The following BRINP3 variants were observed in gnomAD, a reference collection of about 807,000 sequenced individuals.
BRINP3 encodes BMP/retinoic acid inducible neural specific 3.
BRINP3 carries 19 observed loss-of-function variants against 71.0 expected under a neutral mutation model. That is an observed-to-expected ratio of 0.27 (90% CI 0.19 to 0.39). The LOEUF (loss-of-function observed/expected upper bound fraction) is 0.39, where lower values mean the gene tolerates loss of function less well. BRINP3 is among the 10% of genes least tolerant of loss of function. The pLI, the probability that BRINP3 is intolerant of heterozygous loss-of-function variation, is 1.00. For synonymous variants in BRINP3, 380 were observed against 337.7 expected, an observed-to-expected ratio of 1.13 and a Z score of -1.37; for missense variants, 959 against 940.8, an observed-to-expected ratio of 1.02 and a Z score of -0.25.
At chr1:190,382,697 A>G (rs1474284437) in intron 2 of BRINP3, among the ~76,000 whole-genome samples, 2 of 152,288 alleles carry the variant, frequency 1.3e-5, no homozygotes, top group Admixed American at 6.5e-5. Context: ...AATGAACTTC[A>G]ACTGCTTTCA....
At chr1:190,443,112 T>C (rs1189413131) in intron 2 of BRINP3, among the ~76,000 whole-genome samples, 2 of 151,504 alleles carry the variant, frequency 1.3e-5, no homozygotes, top group African/African-American at 2.4e-5. Flanking sequence ...GGGGTTTCAC[T>C]ATATAGGCCA....
chr1:190,327,614 CAT>C (rs1666700317), intron 2 of BRINP3, among the ~76,000 whole-genome samples: 1 of 151,834 alleles, frequency 6.6e-6, no homozygotes, highest in South Asian at 2.1e-4. Flanking sequence ...GCTATCTAAA[CAT>C]ATACACATCT....
chr1:190,421,237 A>C (rs1300972671), intron 2 of BRINP3, among the ~76,000 whole-genome samples: 1 of 150,960 alleles, frequency 6.6e-6, no homozygotes, highest in Non-Finnish European at 1.5e-5. Context: ...GAAATGTTAC[A>C]ATAACAAGTA....
intron 4 of BRINP3, among the ~76,000 whole-genome samples, chr1:190,241,659 T>C (rs1437054771): frequency 2.6e-5 from 4 of 152,036 alleles, no homozygotes. Context: ...TAAGTATGAA[T>C]TTATTAATGC....
intron 2 of BRINP3, among the ~76,000 whole-genome samples, chr1:190,444,239 C>CAAAAAAAAAAAAA (rs764014934): frequency 1.4e-4 from 8 of 56,320 alleles, no homozygotes; most frequent in East Asian, 1.4e-3. Context: ...AACTCCGTCT[C>CAAAAAAAAAAAAA]AAAAAAAAAA....
At chr1:190,225,277 GA>G (rs1356306493) in intron 6 of BRINP3, among the ~76,000 whole-genome samples, 1 of 151,932 alleles carries the variant, frequency 6.6e-6, no homozygotes, top group Non-Finnish European at 1.5e-5. Flanking sequence ...ATACACAATG[GA>G]ATATTATTCA....
Position 190,379,418 on chromosome 1 carries a change from G to A in BRINP3, c.236+75237C>T, listed in dbSNP as rs138976875. Among the ~76,000 whole-genome samples the A allele has an allele frequency of 1.4e-3, 214 of 152,170 alleles. 1 individual carries two copies. The highest frequency in any genetic ancestry group is 4.9e-3 in the African/African-American group (202 of 41,534). ...TGATCACAAAGTAATTACAGCTTGA[G>A]ATTATTGCTATGGAGGAAGAAAAAA... is the stretch of plus-strand genomic sequence containing the variant. On this transcript the variant is annotated intron_variant, in intron 2 of 7. Transcript: ENST00000367462.
intron 6 of BRINP3, among the ~76,000 whole-genome samples, chr1:190,162,827 T>C (rs1254658951): frequency 1.3e-5 from 2 of 152,142 alleles, no homozygotes; most frequent in Non-Finnish European, 2.9e-5. Flanking sequence ...TTCTAAGAAA[T>C]AGGGTTTTAA....
intron 2 of BRINP3, among the ~76,000 whole-genome samples, chr1:190,332,994 A>C (rs573831829): frequency 1.2e-4 from 18 of 152,024 alleles, no homozygotes; most frequent in African/African-American, 4.1e-4. Flanking sequence ...TTGTGAAAAA[A>C]AAATTCAGTA....
chr1:190,404,501 T>C (rs1672135465), intron 2 of BRINP3, among the ~76,000 whole-genome samples: 1 of 152,178 alleles, frequency 6.6e-6, no homozygotes, highest in Non-Finnish European at 1.5e-5. Context: ...GATGAACTCC[T>C]AAAAGTGTTT....
rs901094560 is a variant in BRINP3 at position 190,108,427 on chromosome 1, C to G, written c.1185-9293G>C. On this transcript the variant is annotated intron_variant, in intron 7 of 7. Coordinates refer to ENST00000367462, the MANE Select transcript of BRINP3 (RefSeq NM_199051.3). ...CAATTCATAACTTTAAAAGTCGGCT[C>G]ATTTAAAATACTAATAGAAACAGTA... 4.0e-5 allele frequency among the ~76,000 whole-genome samples: 6 copies of G among 151,716 alleles called. 1 individual carries two copies. The highest frequency in any genetic ancestry group is 6.6e-5 in the Admixed American group (1 of 15,196).
At chr1:190,365,962 T>C (rs1486791021) in intron 2 of BRINP3, among the ~76,000 whole-genome samples, 1 of 151,620 alleles carries the variant, frequency 6.6e-6, no homozygotes, top group Non-Finnish European at 1.5e-5. Context: ...AAATAATGGC[T>C]TTCCAAAGAA....
At chr1:190,435,044 A>G (rs187222685) in intron 2 of BRINP3, among the ~76,000 whole-genome samples, 48 of 152,310 alleles carry the variant, frequency 3.2e-4, no homozygotes, top group African/African-American at 1.1e-3. Context: ...GAAAAAAAGT[A>G]TAGTTTGTTT....
chr1:190,456,825 T>C (rs952678788), intron 1 of BRINP3, among the ~76,000 whole-genome samples: 2 of 152,104 alleles, frequency 1.3e-5, no homozygotes, highest in Non-Finnish European at 2.9e-5. Context: ...AAAGACAGAA[T>C]AAATTATTCA....
Position 190,364,341 on chromosome 1 carries a change from T to C in BRINP3, c.237-82591A>G, listed in dbSNP as rs547328173. Among the ~76,000 whole-genome samples the C allele has an allele frequency of 7.9e-5, 12 of 152,248 alleles. No homozygotes were observed. The East Asian group carries it at 1.9e-3, about 25-fold the overall frequency. On this transcript the variant is annotated intron_variant, in intron 2 of 7. Transcript: ENST00000367462. ...AAGATTGAAATGATACTTGAATGTG[T>C]GGTCTTATCTAAATGTTCTGAAAAT...
intron 7 of BRINP3, among the ~76,000 whole-genome samples, chr1:190,122,124 T>TATA (rs1653717183): frequency 6.6e-6 from 1 of 152,182 alleles, no homozygotes; most frequent in Admixed American, 6.5e-5. Flanking sequence ...ATTTGGTATG[T>TATA]ATAATATTGA....
At chr1:190,417,004 A>G (rs1011689132) in intron 2 of BRINP3, among the ~76,000 whole-genome samples, 4 of 152,176 alleles carry the variant, frequency 2.6e-5, no homozygotes, top group Non-Finnish European at 5.9e-5. Context: ...TACATGGTTT[A>G]TTTGATATGC....
At chr1:190,289,148 T>G (rs1663662224) in intron 2 of BRINP3, among the ~76,000 whole-genome samples, 1 of 151,964 alleles carries the variant, frequency 6.6e-6, no homozygotes, top group Non-Finnish European at 1.5e-5. Flanking sequence ...AATGAAGGAT[T>G]TTTTAAAGAA....
Position 190,307,678 on chromosome 1 carries a change from A to G in BRINP3, c.237-25928T>C, listed in dbSNP as rs1255974716. Among the ~76,000 whole-genome samples the G allele has an allele frequency of 2.0e-5, 3 of 151,460 alleles. No individual in the cohort carries two copies. In the East Asian group the frequency reaches 5.9e-4, roughly 30 times the overall value. ...AAAGTGTAGATTTTGCTCATCAGTA[A>G]TGTGAAGCACTGTTCACCACCTCCC... is the stretch of plus-strand genomic sequence containing the variant. On this transcript the variant is annotated intron_variant, in intron 2 of 7. Coordinates refer to ENST00000367462, the MANE Select transcript of BRINP3 (RefSeq NM_199051.3).
Sources: gnomAD v4.1 joint callset for allele counts (sites outside exome capture counted in the v4.1 genomes callset) on GRCh38, gnomAD v4.1.1 for gene constraint, MANE v1.5 for transcripts, NCBI Gene and HGNC (gene_info 2026-07-23, HGNC 2026-07-21) for gene names.